ZNF608: variants seen among roughly 807,000 people sequenced by gnomAD.
The protein encoded by ZNF608 is zinc finger protein 608.
In ZNF608, 12 loss-of-function variants were observed where a neutral mutation model predicts 109.0. The observed-to-expected ratio is 0.11, with a 90% CI of 0.07 to 0.18. The LOEUF is 0.18. Among genes scored for constraint, ZNF608 ranks in the 10% least tolerant of loss-of-function variants. ZNF608 has a pLI of 1.00. For missense variants in ZNF608, 1,707 were observed against 1,879.3 expected (o/e 0.91, Z 1.70); for synonymous variants, 732 against 717.4 (o/e 1.02, Z -0.33).
At position 124,744,286 on chromosome 5, in the gene ZNF608, A is replaced by C. The variant is rs764941690; in HGVS notation, c.704T>G (p.Leu235Arg). The change falls in exon 2 of 10, where the codon CTC becomes CGC. Residue 235 changes from leucine (L) to arginine (R), a missense_variant. Coordinates refer to ENST00000513986, the MANE Select transcript of ZNF608 (RefSeq NM_020747.3). The surrounding 1 kb of genome is among the most constrained non-coding windows in gnomAD (Gnocchi z 4.5). ...SGSQAPSGGHLYGFGAKSNGG... is the reference protein window; with the variant it reads ...SGSQAPSGGHRYGFGAKSNGG... ...ATTGCTCTTGGCCCCAAAGCCATAGAGGTGCCCCCCGGAAGGGGCCTGGCT... is the reference window on the plus strand; with the variant it reads ...ATTGCTCTTGGCCCCAAAGCCATAGCGGTGCCCCCCGGAAGGGGCCTGGCT... The C allele has an allele frequency of 1.2e-6, 2 of 1,613,928 alleles. No individual in the cohort carries two copies. Among genetic ancestry groups the C allele is most frequent in the Non-Finnish European group, 1.7e-6 (2 of 1,179,996 alleles).
intron 3 of ZNF608, among the ~76,000 whole-genome samples, chr5:124,699,560 TTC>T (rs1408156110): frequency 2.0e-5 from 3 of 152,230 alleles, no homozygotes; most frequent in Non-Finnish European, 4.4e-5. Context: ...TTCAGTCCTT[TTC>T]TCTGATTCTT....
Position 124,648,762 on chromosome 5 carries a change from G to C in ZNF608, c.1622C>G (p.Thr541Ser). Reference sequence around the variant, plus strand: ...AGAAGAGCAGCCTTGGTCCAAAAAAGTAGTCTCTGGTTTCCCTTGAGGGGT... The same window carrying C: ...AGAAGAGCAGCCTTGGTCCAAAAAACTAGTCTCTGGTTTCCCTTGAGGGGT... ...PTTPQGKPET[T>S]FLDQGCSSPV... Residue 541 changes from threonine (T) to serine (S), a missense_variant, in exon 5 of 10, where the codon ACT becomes AGT. This residue lies in a region of ZNF608 where 166 missense variants were observed against 204.2 expected (regional missense o/e 0.81). Coordinates refer to ENST00000513986, the MANE Select transcript of ZNF608 (RefSeq NM_020747.3). 6.2e-7 allele frequency: 1 copy of C among 1,614,236 alleles called. No individual in the cohort carries two copies. The highest frequency in any genetic ancestry group is 8.5e-7 in the Non-Finnish European group (1 of 1,180,042).
At chr5:124,675,372 C>T (rs1042203816) in intron 3 of ZNF608, among the ~76,000 whole-genome samples, 9 of 152,218 alleles carry the variant, frequency 5.9e-5, no homozygotes, top group Non-Finnish European at 7.3e-5. Flanking sequence ...AGCCTTCCAA[C>T]CTAACTGATC....
intron 3 of ZNF608, among the ~76,000 whole-genome samples, chr5:124,659,484 T>A (rs1580562134): frequency 6.6e-6 from 1 of 152,222 alleles, no homozygotes. Context: ...GAAGGCAAAG[T>A]AATTACCAAG....
At chr5:124,709,170 C>CAAAAAAAAAAAAAAAAA (rs1156276798) in intron 2 of ZNF608, among the ~76,000 whole-genome samples, 1 of 32,710 alleles carries the variant, frequency 3.1e-5, no homozygotes, top group African/African-American at 1.2e-4. Flanking sequence ...GACTCTGTCT[C>CAAAAAAAAAAAAAAAAA]AAAAAAAAAA....
intron 3 of ZNF608, among the ~76,000 whole-genome samples, chr5:124,662,541 G>A (rs1023439587): frequency 1.3e-5 from 2 of 152,148 alleles, no homozygotes; most frequent in African/African-American, 4.8e-5. Context: ...CCTATTGTTC[G>A]CATTATTCTC....
chr5:124,674,970 G>A (rs1207361274), intron 3 of ZNF608, among the ~76,000 whole-genome samples: 6 of 152,068 alleles, frequency 3.9e-5, no homozygotes, highest in Non-Finnish European at 8.8e-5. Flanking sequence ...TCGATTCTAA[G>A]GTTAATCAAA....
At chr5:124,659,330 G>GC (rs1378744425) in intron 3 of ZNF608, among the ~76,000 whole-genome samples, 1 of 152,080 alleles carries the variant, frequency 6.6e-6, no homozygotes, top group Non-Finnish European at 1.5e-5. Flanking sequence ...GACTAAAAGG[G>GC]CGTAGAAGGG....
At chr5:124,668,621 G>C (rs1561547992) in intron 3 of ZNF608, among the ~76,000 whole-genome samples, 1 of 152,098 alleles carries the variant, frequency 6.6e-6, no homozygotes, top group Non-Finnish European at 1.5e-5. Context: ...AGCAGCCTCT[G>C]GGGTAGGTGG....
chr5:124,708,145 TCC>T (rs1753335656), intron 2 of ZNF608: 1 of 152,252 alleles, frequency 6.6e-6, no homozygotes, highest in African/African-American at 2.4e-5. Context: ...GATCTTAAAG[TCC>T]ATGGGCTTTC....
At position 124,639,154 on chromosome 5, in the gene ZNF608, C is replaced by G. The variant is rs761993480; in HGVS notation, c.4511G>C (p.Gly1504Ala). The change falls in exon 9 of 10, where the codon GGA (glycine) becomes GCA (alanine). Residue 1504 changes from glycine (G) to alanine (A), a missense_variant. Transcript: ENST00000513986. ...TTACCTTCTTTGTCCAGGAAACATTCCAGATGCAGATGCCTGGGCAGCCAC... is the reference window on the plus strand; with the variant it reads ...TTACCTTCTTTGTCCAGGAAACATTGCAGATGCAGATGCCTGGGCAGCCAC... ...QQVAAQASAS[G>A]MFPGQRRE 2 of 1,614,060 alleles carry G rather than the reference C, an allele frequency of 1.2e-6. No individual in the cohort carries two copies. Among genetic ancestry groups the G allele is most frequent in the Non-Finnish European group, 8.5e-7 (1 of 1,180,018 alleles).
chr5:124,736,616 A>G (rs1326683755), intron 2 of ZNF608, among the ~76,000 whole-genome samples: 1 of 152,220 alleles, frequency 6.6e-6, no homozygotes, highest in Non-Finnish European at 1.5e-5. Flanking sequence ...GCATGGGGAA[A>G]ATTTTCTAAC....
At chr5:124,742,179 T>C in intron 2 of ZNF608, among the ~76,000 whole-genome samples, 1 of 152,214 alleles carries the variant, frequency 6.6e-6, no homozygotes, top group East Asian at 1.9e-4. Context: ...CCTCTGTGAC[T>C]GGAAAGTGAA....
At chr5:124,651,101 T>C (rs967264096) in intron 3 of ZNF608, among the ~76,000 whole-genome samples, 34 of 152,354 alleles carry the variant, frequency 2.2e-4, no homozygotes, top group South Asian at 2.1e-4. Context: ...ACTGTAGCAA[T>C]AGGCTAGCAG....
In ZNF608 at chr5:124,644,364, G is replaced by C; in HGVS notation, c.4003C>G (p.Pro1335Ala). The C allele has an allele frequency of 6.2e-7, 1 of 1,614,140 alleles. No homozygotes were observed. The highest frequency in any genetic ancestry group is 8.5e-7 in the Non-Finnish European group (1 of 1,180,018). ...SRGTRVAVSS[P>A]MSQHQSYIQY... ...ATGTATGACTGATGCTGACTCATGG[G>C]TGAGGAGACAGCCACTCTTGTTCCC... Residue 1335 changes from proline (P) to alanine (A), a missense_variant, in exon 6 of 10, where the codon CCC (proline) becomes GCC (alanine). Coordinates refer to ENST00000513986, the MANE Select transcript of ZNF608 (RefSeq NM_020747.3).
rs532753635 is a variant in ZNF608 at position 124,656,745 on chromosome 5, T to C, written c.1163-7048A>G. On this transcript the variant is annotated intron_variant, in intron 3 of 9. Coordinates refer to ENST00000513986, the MANE Select transcript of ZNF608 (RefSeq NM_020747.3). The stretch of plus-strand genomic sequence containing the variant: ...GGTATACAATCTATGGAAATCCTTT[T>C]TTAAAAAAAAAATCTGAAAGGATTT... Among the ~76,000 whole-genome samples the C allele has an allele frequency of 9.0e-5, 12 of 133,926 alleles. No homozygotes were observed. In the South Asian group the frequency reaches 2.6e-3, roughly 28 times the overall value. The allele number at this position is 133,926 out of a possible 152,430, so 87.9% of individuals were successfully genotyped here. A position where few individuals can be genotyped will look rare whatever the true frequency, so the allele number is the denominator to read the frequency against.
chr5:124,744,229 C>T lies in ZNF608; in HGVS notation c.761G>A (p.Gly254Asp), dbSNP rs1368913654. The T allele has an allele frequency of 1.7e-5, 28 of 1,613,828 alleles. No individual in the cohort carries two copies. The highest frequency in any genetic ancestry group is 2.3e-5 in the Non-Finnish European group (27 of 1,179,954). ...GGGASPFHCGGTGSGSVAAAG... is the reference protein window; with the variant it reads ...GGGASPFHCGDTGSGSVAAAG... ...AGCGGCGACGCTGCCACTCCCAGTG[C>T]CCCCGCAGTGGAAGGGGCTCGCGCC... Residue 254 changes from glycine (G) to aspartate (D), a missense_variant, in exon 2 of 10, where the codon GGC becomes GAC. Transcript: ENST00000513986. This position sits in a 1 kb window ranked among gnomAD's most constrained non-coding sequence, Gnocchi z 4.5.
chr5:124,732,938 C>T (rs925212836), intron 2 of ZNF608, among the ~76,000 whole-genome samples: 1 of 151,978 alleles, frequency 6.6e-6, no homozygotes, highest in Admixed American at 6.6e-5. Context: ...AATCTGCCTC[C>T]CCACCTTCTT....
At chr5:124,684,253 G>A (rs996986810) in intron 3 of ZNF608, among the ~76,000 whole-genome samples, 1 of 152,142 alleles carries the variant, frequency 6.6e-6, no homozygotes, top group East Asian at 1.9e-4. Context: ...ATTCTGCCAT[G>A]AAGAACACTC....
Sources: gnomAD v4.1 joint callset for allele counts (sites outside exome capture counted in the v4.1 genomes callset) on GRCh38, gnomAD v4.1.1 for gene constraint, gnomAD v4.1.1 regional missense constraint, Gnocchi (gnomAD v3.1) non-coding constraint, MANE v1.5 for transcripts, NCBI Gene and HGNC (gene_info 2026-07-23, HGNC 2026-07-21) for gene names.